TRPS1: variants seen among roughly 807,000 people sequenced by gnomAD.
TRPS1 encodes transcriptional repressor GATA binding 1, also known as zinc finger transcription factor Trps1.
TRPS1 carries 6 observed loss-of-function variants against 101.2 expected under a neutral mutation model. The ratio of observed to expected loss-of-function variants is 0.06; its 90% CI spans 0.03 to 0.12. The LOEUF (loss-of-function observed/expected upper bound fraction) is 0.12. Ranked by LOEUF, TRPS1 falls within the 10% of genes least tolerant of loss-of-function variation. The pLI is 1.00. For synonymous variants in TRPS1, 578 were observed against 589.8 expected (o/e 0.98, Z 0.29); for missense variants, 1,363 against 1,567.0 (o/e 0.87, Z 2.20).
chr8:115,413,185 A>T lies in TRPS1; in HGVS notation c.*838T>A, dbSNP rs1257830035. ...ACCAACAGGAGGCTTAGAAAAGCAA[A>T]TCCATACTGGTTCATCACACACAAG... is the stretch of plus-strand genomic sequence containing the variant. On this transcript the variant is annotated 3_prime_UTR_variant, in exon 7 of 7. Coordinates refer to ENST00000395715, the MANE Select transcript of TRPS1 (RefSeq NM_014112.5). 6.6e-6 allele frequency: 1 copy of T among 152,138 alleles called. No homozygotes were observed. The highest frequency in any genetic ancestry group is 1.5e-5 in the Non-Finnish European group (1 of 68,020). 9.4% of individuals were successfully genotyped at this position (152,138 alleles called of 1,614,324 possible).
At chr8:115,531,308 T>TATTCTATTA (rs1816126284) in intron 5 of TRPS1, among the ~76,000 whole-genome samples, 3 of 152,148 alleles carry the variant, frequency 2.0e-5, no homozygotes, top group Non-Finnish European at 4.4e-5. Flanking sequence ...TTAAATTAAA[T>TATTCTATTA]AGTCAAAGTA....
At chr8:115,436,420 C>A (rs1813455480) in intron 5 of TRPS1, among the ~76,000 whole-genome samples, 1 of 152,146 alleles carries the variant, frequency 6.6e-6, no homozygotes, top group South Asian at 2.1e-4. Flanking sequence ...AGAGGTCAAA[C>A]CAATGTCCTC....
At chr8:115,510,600 A>G (rs1815559779) in intron 5 of TRPS1, among the ~76,000 whole-genome samples, 1 of 151,990 alleles carries the variant, frequency 6.6e-6, no homozygotes, top group Non-Finnish European at 1.5e-5. Context: ...AGAGATTTTC[A>G]TTAAGATTGA....
intron 5 of TRPS1, among the ~76,000 whole-genome samples, chr8:115,463,492 A>G (rs1313480258): frequency 4.6e-5 from 7 of 152,048 alleles, no homozygotes; most frequent in Admixed American, 3.9e-4. Flanking sequence ...AATATACCTA[A>G]CCTGAGAGGT....
intron 5 of TRPS1, among the ~76,000 whole-genome samples, chr8:115,441,924 T>TGTGC (rs1813608971): frequency 6.6e-6 from 1 of 151,294 alleles, no homozygotes; most frequent in Non-Finnish European, 1.5e-5. Flanking sequence ...TGTGTGTGTG[T>TGTGC]GCAGGTTGGA....
At chr8:115,555,467 T>C (rs1816796146) in intron 5 of TRPS1, among the ~76,000 whole-genome samples, 1 of 152,110 alleles carries the variant, frequency 6.6e-6, no homozygotes, top group Non-Finnish European at 1.5e-5. Context: ...GAAACATTAA[T>C]GACCTTTTCT....
intron 5 of TRPS1, among the ~76,000 whole-genome samples, chr8:115,500,113 T>C (rs2130141107): frequency 6.6e-6 from 1 of 152,196 alleles, no homozygotes; most frequent in South Asian, 2.1e-4. Context: ...CACTGGAACC[T>C]TTGCCTCCCA....
chr8:115,446,086 A>C (rs1308515084), intron 5 of TRPS1, among the ~76,000 whole-genome samples: 1 of 152,104 alleles, frequency 6.6e-6, no homozygotes, highest in African/African-American at 2.4e-5. Flanking sequence ...GCACACATTT[A>C]GATTTCATGA....
At chr8:115,559,167 T>G (rs939686489) in intron 5 of TRPS1, among the ~76,000 whole-genome samples, 1 of 152,184 alleles carries the variant, frequency 6.6e-6, no homozygotes, top group African/African-American at 2.4e-5. Context: ...TGAAGATGTC[T>G]TCTCCATTTA....
intron 1 of TRPS1, among the ~76,000 whole-genome samples, chr8:115,625,348 T>C (rs562205967): frequency 5.9e-5 from 9 of 151,974 alleles, no homozygotes; most frequent in Non-Finnish European, 1.0e-4. Flanking sequence ...TAAGGGAATT[T>C]GAATAAATTA....
chr8:115,658,921 C>T (rs1468342293), intron 1 of TRPS1, among the ~76,000 whole-genome samples: 1 of 152,044 alleles, frequency 6.6e-6, no homozygotes, highest in East Asian at 1.9e-4. Context: ...GACCTAAAAT[C>T]ATCTTACTGG....
At chr8:115,660,506 A>T (rs1340696604) in intron 1 of TRPS1, among the ~76,000 whole-genome samples, 1 of 151,936 alleles carries the variant, frequency 6.6e-6, no homozygotes, top group Non-Finnish European at 1.5e-5. Context: ...AGATAATATA[A>T]ACATGTTTAC....
At position 115,410,593 on chromosome 8, in the gene TRPS1, T is replaced by G. The variant is rs771908918; in HGVS notation, c.*3430A>C. The G allele has an allele frequency of 6.6e-6, 1 of 152,504 alleles. No homozygotes were observed. The highest frequency in any genetic ancestry group is 1.5e-5 in the Non-Finnish European group (1 of 67,990). 9.4% of individuals were successfully genotyped at this position (152,504 alleles called of 1,614,324 possible). ...TCCTTTTCTCATATACTTGGAGTCA[T>G]GTAGTGTCTCTCTCAATCCACAACG... On this transcript the variant is annotated 3_prime_UTR_variant, in exon 7 of 7. Transcript: ENST00000395715.
At position 115,604,048 on chromosome 8, in the gene TRPS1, C is replaced by T; in HGVS notation, c.1921G>A (p.Val641Ile). 1 of 1,614,016 alleles carries T rather than the reference C, an allele frequency of 6.2e-7. No homozygotes were observed. The highest frequency in any genetic ancestry group is 1.7e-5 in the Admixed American group (1 of 59,976). ...ACACTTTCATAGTGAAAGAGGAGTA[C>T]ATCTACGTCAGGGGTGGTGAATGAA... ...QCSFTTPDVD[V>I]LLFHYESVHE... The change falls in exon 4 of 7, where the codon GTA (valine) becomes ATA (isoleucine). Residue 641 changes from valine (V) to isoleucine (I), a missense_variant. Val to Ile is a conservative substitution (Grantham distance 29, BLOSUM62 3). Coordinates refer to ENST00000395715, the MANE Select transcript of TRPS1 (RefSeq NM_014112.5). The surrounding 1 kb of genome is among the most constrained non-coding windows in gnomAD (Gnocchi z 4.1).
chr8:115,579,168 G>A (rs946133832), intron 5 of TRPS1, among the ~76,000 whole-genome samples: 1 of 152,114 alleles, frequency 6.6e-6, no homozygotes. Flanking sequence ...TGGAAAGGTA[G>A]TAAGCTTAAT....
chr8:115,662,500 T>TA (rs999223381), intron 1 of TRPS1, among the ~76,000 whole-genome samples: 1 of 151,966 alleles, frequency 6.6e-6, no homozygotes, highest in African/African-American at 2.4e-5. Context: ...CTAAACCCAA[T>TA]AATTTCTGGG....
chr8:115,534,373 A>G (rs899108103), intron 5 of TRPS1, among the ~76,000 whole-genome samples: 16 of 146,388 alleles, frequency 1.1e-4, no homozygotes, highest in Non-Finnish European at 2.0e-4. Flanking sequence ...CACACTGGAG[A>G]TTGAAGCTCT....
rs1192284286 is a variant in TRPS1 at position 115,436,010 on chromosome 8, A to T, written c.2701-17558T>A. On this transcript the variant is annotated intron_variant, in intron 5 of 6. Transcript: ENST00000395715. Reference sequence around the variant, plus strand: ...AACAAATGAGAAATCACACACACACACACACACACACACACACACACACAC... The same window carrying T: ...AACAAATGAGAAATCACACACACACTCACACACACACACACACACACACAC... Among the ~76,000 whole-genome samples the T allele has an allele frequency of 2.0e-5, 3 of 149,118 alleles. No individual in the cohort carries two copies. In the East Asian group the frequency reaches 5.9e-4, roughly 29 times the overall value.
At position 115,587,107 on chromosome 8, in the gene TRPS1, A is replaced by G. The variant is rs1490743572; in HGVS notation, c.2594T>C (p.Phe865Ser). The G allele has an allele frequency of 6.2e-7, 1 of 1,614,164 alleles. No homozygotes were observed. The highest frequency in any genetic ancestry group is 1.1e-5 in the South Asian group (1 of 91,090). Residue 865 changes from phenylalanine (F) to serine (S), a missense_variant, in exon 5 of 7, where the codon TTC becomes TCC. Physicochemically the swap from Phe to Ser is radical, Grantham distance 155. Transcript: ENST00000395715. Reference sequence around the variant, plus strand: ...TCCGCCAGCTGGCGCCCCCTGCAGGAATCCCTTGGTTTCCACAGCCAAGCC... The same window carrying G: ...TCCGCCAGCTGGCGCCCCCTGCAGGGATCCCTTGGTTTCCACAGCCAAGCC... ...IYGLAVETKG[F>S]LQGAPAGGEK...
Sources: allele counts gnomAD v4.1 joint callset (sites outside exome capture counted in the v4.1 genomes callset), GRCh38; gene constraint gnomAD v4.1.1; non-coding constraint Gnocchi (gnomAD v3.1); transcripts MANE v1.5; gene names NCBI Gene and HGNC (gene_info 2026-07-23, HGNC 2026-07-21).